PRKN: variants seen among roughly 807,000 people sequenced by gnomAD.
PRKN encodes the protein parkin RBR E3 ubiquitin protein ligase.
Under a neutral mutation model 59.5 loss-of-function variants are expected in PRKN, and 56 were observed. The ratio of observed to expected loss-of-function variants is 0.94; its 90% confidence interval spans 0.76 to 1.18. The LOEUF is 1.18. Among genes scored for constraint, PRKN ranks in the 50% most tolerant of loss-of-function variants. The pLI, the probability that PRKN is intolerant of heterozygous loss-of-function variation, is 0.00. For missense variants in PRKN, 657 were observed against 596.4 expected (o/e 1.10, Z -1.06); for synonymous variants, 250 against 222.1 (o/e 1.13, Z -1.12).
At chr6:162,178,734 G>A (rs1783650453) in intron 4 of PRKN, among the ~76,000 whole-genome samples, 1 of 152,104 alleles carries the variant, frequency 6.6e-6, no homozygotes, top group African/African-American at 2.4e-5. Context: ...TCTCAGTTTT[G>A]TGTCGTTTGT....
At chr6:161,728,466 A>T (rs556780513) in intron 7 of PRKN, among the ~76,000 whole-genome samples, 3 of 152,168 alleles carry the variant, frequency 2.0e-5, no homozygotes, top group Non-Finnish European at 4.4e-5. Flanking sequence ...GTTGAGAGGA[A>T]GAGGGGCTTG....
At chr6:162,422,484 G>T (rs1460936204) in intron 2 of PRKN, among the ~76,000 whole-genome samples, 1 of 152,136 alleles carries the variant, frequency 6.6e-6, no homozygotes, top group Non-Finnish European at 1.5e-5. Context: ...GCTCTCACAG[G>T]GCAGGGAAGG....
intron 9 of PRKN, among the ~76,000 whole-genome samples, chr6:161,472,180 C>A (rs985678743): frequency 2.0e-5 from 3 of 152,008 alleles, no homozygotes; most frequent in Admixed American, 6.6e-5. Flanking sequence ...TACCCCAGGA[C>A]AACAGAGGGA....
rs181489730 is a variant in PRKN, at chr6:161,560,045, T to A, written c.933+9310A>T. Among the ~76,000 whole-genome samples, 1 of 152,142 alleles carries A rather than the reference T, an allele frequency of 6.6e-6. No homozygotes were observed. Among genetic ancestry groups the A allele is most frequent in the African/African-American group, 2.4e-5 (1 of 41,442 alleles). ...CACAATGCATCCCTCATGCCCCACA[T>A]CATTGCTTCAGAGGCTCAAGCTGCC... On this transcript the variant is annotated intron_variant, in intron 8 of 11. Transcript: ENST00000366898. The surrounding 1 kb of genome is among the most constrained non-coding windows in gnomAD (Gnocchi z 4.9).
intron 3 of PRKN, among the ~76,000 whole-genome samples, chr6:162,256,909 A>G (rs1356004466): frequency 6.6e-6 from 1 of 152,138 alleles, no homozygotes; most frequent in Non-Finnish European, 1.5e-5. Context: ...TCAACAACCA[A>G]TGCTGTCATT....
intron 6 of PRKN, among the ~76,000 whole-genome samples, chr6:161,934,117 A>T (rs1187005561): frequency 3.9e-5 from 6 of 152,214 alleles, no homozygotes; most frequent in African/African-American, 1.4e-4. Flanking sequence ...TTCGCCATGA[A>T]GTTCTCATGA....
At chr6:162,051,740 G>A (rs971323575) in intron 5 of PRKN, among the ~76,000 whole-genome samples, 2 of 152,102 alleles carry the variant, frequency 1.3e-5, no homozygotes, top group African/African-American at 4.8e-5. Flanking sequence ...TGGGGCAGCT[G>A]CCGCCCCCAC....
chr6:161,726,801 C>G (rs556029726), intron 7 of PRKN, among the ~76,000 whole-genome samples: 1 of 152,120 alleles, frequency 6.6e-6, no homozygotes, highest in African/African-American at 2.4e-5. Context: ...TAGGCCCTCC[C>G]AATCAGGAAT....
Position 161,854,811 on chromosome 6 carries a change from G to A in PRKN, c.735-68903C>T, listed in dbSNP as rs112242568. On this transcript the variant is annotated intron_variant, in intron 6 of 11. Coordinates refer to ENST00000366898, the MANE Select transcript of PRKN (RefSeq NM_004562.3). Reference sequence around the variant, plus strand: ...CTAGAAAAGTGGTTCTCGGCCGGGCGCGGTGGCTCATGCCTGTAATCCCAG... The same window carrying A: ...CTAGAAAAGTGGTTCTCGGCCGGGCACGGTGGCTCATGCCTGTAATCCCAG... Among the ~76,000 whole-genome samples the A allele has an allele frequency of 3.5e-3, 536 of 151,988 alleles. 4 individuals are homozygous for A. Among genetic ancestry groups the A allele is most frequent in the African/African-American group, 0.012 (512 of 41,442 alleles).
At chr6:162,446,198 G>C (rs563110547) in intron 1 of PRKN, among the ~76,000 whole-genome samples, 3 of 152,104 alleles carry the variant, frequency 2.0e-5, no homozygotes, top group Admixed American at 2.0e-4. Flanking sequence ...CAATTCATCA[G>C]AAAAGACACA....
At chr6:161,869,214 G>A (rs1405971678) in intron 6 of PRKN, among the ~76,000 whole-genome samples, 1 of 151,940 alleles carries the variant, frequency 6.6e-6, no homozygotes, top group Non-Finnish European at 1.5e-5. Context: ...CCCCATGTCT[G>A]CTAAAAGTAC....
chr6:162,726,705 C>A (rs1057043247), intron 1 of PRKN, among the ~76,000 whole-genome samples: 1 of 152,216 alleles, frequency 6.6e-6, no homozygotes, highest in African/African-American at 2.4e-5. Context: ...TGACTTCGAA[C>A]GTACTTACTG....
intron 1 of PRKN, among the ~76,000 whole-genome samples, chr6:162,512,036 G>A (rs1777644525): frequency 6.6e-6 from 1 of 152,166 alleles, no homozygotes; most frequent in African/African-American, 2.4e-5. Flanking sequence ...AAAGGTTGAT[G>A]AAAAGTGTTC....
intron 1 of PRKN, among the ~76,000 whole-genome samples, chr6:162,668,057 G>A (rs1779170867): frequency 6.6e-6 from 1 of 152,052 alleles, no homozygotes; most frequent in Non-Finnish European, 1.5e-5. Flanking sequence ...TCTCAATTTA[G>A]CTTATAATTA....
chr6:162,652,908 A>C (rs951433087), intron 1 of PRKN, among the ~76,000 whole-genome samples: 1 of 152,226 alleles, frequency 6.6e-6, no homozygotes, highest in Admixed American at 6.5e-5. Flanking sequence ...TATTCTGAGC[A>C]TCTTTTTCAA....
intron 4 of PRKN, among the ~76,000 whole-genome samples, chr6:162,069,497 T>C (rs1367937526): frequency 6.6e-6 from 1 of 152,216 alleles, no homozygotes; most frequent in East Asian, 1.9e-4. Flanking sequence ...TCTGGCATGT[T>C]AAACTTTACA....
intron 2 of PRKN, among the ~76,000 whole-genome samples, chr6:162,317,839 A>G (rs1202052343): frequency 6.6e-6 from 1 of 152,040 alleles, no homozygotes; most frequent in Non-Finnish European, 1.5e-5. Flanking sequence ...GGGAGAAGTG[A>G]GGTGGCTGGC....
chr6:161,832,623 C>CAAAAA (rs529969845), intron 6 of PRKN, among the ~76,000 whole-genome samples: 2 of 75,226 alleles, frequency 2.7e-5, no homozygotes, highest in African/African-American at 5.2e-5. Flanking sequence ...GATTCCATCT[C>CAAAAA]AAAAAAAAAA....
At chr6:162,638,426 A>G (rs536400320) in intron 1 of PRKN, among the ~76,000 whole-genome samples, 1 of 152,302 alleles carries the variant, frequency 6.6e-6, no homozygotes, top group South Asian at 2.1e-4. Flanking sequence ...GAAGCCTACA[A>G]TTACGAGACA....
Sources: allele counts gnomAD v4.1 joint callset (sites outside exome capture counted in the v4.1 genomes callset), GRCh38; gene constraint gnomAD v4.1.1; non-coding constraint Gnocchi (gnomAD v3.1); transcripts MANE v1.5; gene names NCBI Gene and HGNC (gene_info 2026-07-23, HGNC 2026-07-21).